LAMC3: variants seen among roughly 807,000 people sequenced by gnomAD.
LAMC3 encodes the protein laminin subunit gamma-3.
Under a neutral mutation model 173.8 loss-of-function variants are expected in LAMC3, and 128 were observed. The ratio of observed to expected loss-of-function variants is 0.74; its 90% CI spans 0.64 to 0.85. The LOEUF (loss-of-function observed/expected upper bound fraction) is 0.85. LAMC3 is among the 40% of genes least tolerant of loss of function. The pLI is 0.00. For synonymous variants in LAMC3, 897 were observed against 909.1 expected (o/e 0.99, Z 0.24); for missense variants, 2,022 against 2,156.0 (o/e 0.94, Z 1.23).
At chr9:131,035,271 G>C (rs73548503) in intron 3 of LAMC3, among the ~76,000 whole-genome samples, 11,545 of 152,118 alleles carry the variant, frequency 0.076, 1,369 homozygotes, top group African/African-American at 0.26. Flanking sequence ...ATTAAAAGAG[G>C]TTTAATTGGC....
At position 131,072,803 on chromosome 9, in the gene LAMC3, A is replaced by T; in HGVS notation, c.3385A>T (p.Ile1129Phe). Residue 1129 changes from isoleucine to phenylalanine, a missense_variant, in exon 19 of 28, where the codon ATT (isoleucine) becomes TTT (phenylalanine). Transcript: ENST00000361069. ...AGTGCTGGAGTCCTCGGAAGAGGAG[A>T]TTCTGCATGCAGCTGCCATTCTCGC... Reference protein sequence around the residue: ...EAVLESSEEEILHAAAILASL... With the variant: ...EAVLESSEEEFLHAAAILASL... 1 of 1,612,930 alleles carries T rather than the reference A, an allele frequency of 6.2e-7. No homozygotes were observed. The highest frequency in any genetic ancestry group is 1.3e-5 in the African/African-American group (1 of 74,990).
chr9:131,057,198 G>C, intron 12 of LAMC3, 51 bp downstream of exon 12: 1 of 1,506,148 alleles, frequency 6.6e-7, no homozygotes, highest in Non-Finnish European at 9.2e-7. Flanking sequence ...ACCCAAAACA[G>C]CGGGATGAGT....
intron 25 of LAMC3, among the ~76,000 whole-genome samples, chr9:131,086,045 C>T (rs954753578): frequency 8.5e-5 from 13 of 152,092 alleles, no homozygotes; most frequent in African/African-American, 2.4e-4. Flanking sequence ...TTGAAGTTTG[C>T]GTTTATTTAT....
intron 12 of LAMC3, among the ~76,000 whole-genome samples, chr9:131,060,134 G>A (rs1829779336): frequency 6.6e-6 from 1 of 152,178 alleles, no homozygotes; most frequent in African/African-American, 2.4e-5. Flanking sequence ...CAGGAACAGG[G>A]GTTCCCTCCC....
chr9:131,045,249 A>AAAC (rs1554786060), intron 7 of LAMC3, among the ~76,000 whole-genome samples: 2 of 148,716 alleles, frequency 1.3e-5, no homozygotes, highest in Non-Finnish European at 3.0e-5. Flanking sequence ...ACAACAACAA[A>AAAC]AAAACAAAAC....
intron 7 of LAMC3, among the ~76,000 whole-genome samples, chr9:131,043,066 C>A (rs867074416): frequency 6.6e-6 from 1 of 152,132 alleles, no homozygotes; most frequent in Non-Finnish European, 1.5e-5. Context: ...ATGAGCCCTA[C>A]TATAACCTCA....
intron 7 of LAMC3, among the ~76,000 whole-genome samples, chr9:131,043,909 C>T (rs1199343092): frequency 6.7e-6 from 1 of 150,320 alleles, no homozygotes; most frequent in Non-Finnish European, 1.5e-5. Flanking sequence ...TCTAGGAGGT[C>T]GAGCTTAATC....
At chr9:131,066,351 C>T (rs1829931507) in intron 13 of LAMC3, among the ~76,000 whole-genome samples, 1 of 151,756 alleles carries the variant, frequency 6.6e-6, no homozygotes, top group Non-Finnish European at 1.5e-5. Flanking sequence ...ATTAGCCAAG[C>T]ATGGTGGCGG....
chr9:131,080,282 C>CTTTTTTTT (rs869244832), intron 23 of LAMC3: 1 of 56,338 alleles, frequency 1.8e-5, no homozygotes, highest in African/African-American at 8.4e-5. Flanking sequence ...AGCCTCATTC[C>CTTTTTTTT]TTTTTTTTTT....
chr9:131,085,628 C>A lies in LAMC3; in HGVS notation c.4135C>A (p.Gln1379Lys). The A allele has an allele frequency of 6.2e-7, 1 of 1,614,170 alleles. No individual in the cohort carries two copies. Residue 1379 changes from glutamine (Q) to lysine (K), a missense_variant, in exon 25 of 28, where the codon CAG becomes AAG. By Grantham distance (53) the Gln-to-Lys change is moderately conservative. Transcript: ENST00000361069. ...TGCAGACACGAGAAAGAAGACCAAG[C>A]AGGCGGAGAGGATGCTGGGAAACGC... Reference protein sequence around the residue: ...LLADTRKKTKQAERMLGNAAP... With the variant: ...LLADTRKKTKKAERMLGNAAP...
intron 1 of LAMC3, among the ~76,000 whole-genome samples, chr9:131,013,133 T>C (rs1293150804): frequency 6.6e-6 from 1 of 152,226 alleles, no homozygotes; most frequent in African/African-American, 2.4e-5. Flanking sequence ...TGCTTTGTTC[T>C]TTTACAGACA....
At chr9:131,047,670 C>T (rs1467467464) in intron 8 of LAMC3, among the ~76,000 whole-genome samples, 2 of 151,180 alleles carry the variant, frequency 1.3e-5, no homozygotes, top group African/African-American at 2.4e-5. Flanking sequence ...CGAGACCAGC[C>T]TGGCCAACAT....
intron 4 of LAMC3, among the ~76,000 whole-genome samples, chr9:131,037,397 T>TTC (rs1267313726): frequency 6.6e-6 from 1 of 152,156 alleles, no homozygotes; most frequent in African/African-American, 2.4e-5. Context: ...TCTGTCTAAC[T>TTC]TCTGTCCATT....
chr9:131,015,145 C>G (rs907541774), intron 1 of LAMC3, among the ~76,000 whole-genome samples: 2 of 152,176 alleles, frequency 1.3e-5, no homozygotes, highest in Non-Finnish European at 2.9e-5. Flanking sequence ...GGGAGTTCAG[C>G]TATTTTGCCC....
intron 17 of LAMC3, among the ~76,000 whole-genome samples, chr9:131,070,658 C>T (rs536750625): frequency 6.6e-6 from 1 of 151,958 alleles, no homozygotes; most frequent in Non-Finnish European, 1.5e-5. Flanking sequence ...TCGCAGGGAG[C>T]CAAGATCATG....
At chr9:131,059,788 G>C (rs1013912368) in intron 12 of LAMC3, among the ~76,000 whole-genome samples, 5 of 152,218 alleles carry the variant, frequency 3.3e-5, no homozygotes, top group African/African-American at 1.2e-4. Flanking sequence ...TGTGAAACGG[G>C]CAGTATAGCC....
At chr9:131,054,824 G>GA in intron 11 of LAMC3, among the ~76,000 whole-genome samples, 1 of 95,838 alleles carries the variant, frequency 1.0e-5, no homozygotes, top group Non-Finnish European at 2.0e-5. Flanking sequence ...GAGAAAGAAA[G>GA]AAGAAGGGAG....
At chr9:131,071,762 T>G (rs541924159) in intron 18 of LAMC3, 137 bp downstream of exon 18, 2 of 802,100 alleles carry the variant, frequency 2.5e-6, no homozygotes, top group Admixed American at 6.0e-5. Context: ...CTAGCCCACC[T>G]GTAACTTTAT....
In LAMC3 at chr9:131,093,945, C is replaced by G. The variant is rs1253659442; in HGVS notation, c.*2158C>G. The G allele has an allele frequency of 6.6e-6, 1 of 152,268 alleles. No homozygotes were observed. The highest frequency in any genetic ancestry group is 1.5e-5 in the Non-Finnish European group (1 of 68,118). 9.4% of individuals were successfully genotyped at this position (152,268 alleles called of 1,614,324 possible). ...TCTCCTGCCTCAGCCTCCCGAGTAG[C>G]TAGGACTACAGGTGCTTGCCACCAT... On this transcript the variant is annotated 3_prime_UTR_variant, in exon 28 of 28. Coordinates refer to ENST00000361069, the MANE Select transcript of LAMC3 (RefSeq NM_006059.4).
Sources: gnomAD v4.1 joint callset for allele counts (sites outside exome capture counted in the v4.1 genomes callset) on GRCh38, gnomAD v4.1.1 for gene constraint, MANE v1.5 for transcripts, NCBI Gene and HGNC (gene_info 2026-07-23, HGNC 2026-07-21) for gene names.